Variants in TMIGD3 observed in about 807,000 individuals in gnomAD.
The protein encoded by TMIGD3 is transmembrane and immunoglobulin domain containing 3.
TMIGD3 carries 21 observed loss-of-function variants against 28.1 expected under a neutral mutation model. The ratio of observed to expected loss-of-function variants is 0.75; its 90% CI spans 0.53 to 1.08. The LOEUF (loss-of-function observed/expected upper bound fraction) is 1.08. Ranked by LOEUF, TMIGD3 falls within the 50% of genes least tolerant of loss-of-function variation. The probability of loss-of-function intolerance (pLI) is 0.00; values close to 1 mark genes in which losing one functional copy is unlikely to be tolerated. For missense variants in TMIGD3, 416 were observed against 435.6 expected, an observed-to-expected ratio of 0.96 and a Z score of 0.40; for synonymous variants, 151 against 162.1, an observed-to-expected ratio of 0.93 and a Z score of 0.52.
At chr1:111,486,224 T>C (rs535059958) in intron 4 of TMIGD3, among the ~76,000 whole-genome samples, 1 of 152,212 alleles carries the variant, frequency 6.6e-6, no homozygotes, top group Non-Finnish European at 1.5e-5. Context: ...AACACACAGA[T>C]TCGAAGCAGA....
intron 1 of TMIGD3, among the ~76,000 whole-genome samples, chr1:111,556,992 T>G (rs1657519876): frequency 6.6e-6 from 1 of 152,074 alleles, no homozygotes; most frequent in Admixed American, 6.5e-5. Flanking sequence ...TGATAAAAGA[T>G]GCAAATATTC....
At chr1:111,535,863 G>A (rs560544943) in intron 1 of TMIGD3, among the ~76,000 whole-genome samples, 1 of 152,226 alleles carries the variant, frequency 6.6e-6, no homozygotes, top group Non-Finnish European at 1.5e-5. Flanking sequence ...GCCTTCTCCC[G>A]GCCTCCAGAC....
rs1654216216 is a variant in TMIGD3, at chr1:111,483,471, G to C, written c.*216C>G. On this transcript the variant is annotated 3_prime_UTR_variant, in exon 6 of 6. Transcript: ENST00000369716. ...TGGAATGCATAAGAACTAAGATCTTGAGATGTTATTTGAGGGCAGCCTTGC... is the reference window on the plus strand; with the variant it reads ...TGGAATGCATAAGAACTAAGATCTTCAGATGTTATTTGAGGGCAGCCTTGC... 1 of 535,392 alleles carries C rather than the reference G, an allele frequency of 1.9e-6. No individual in the cohort carries two copies. The allele number at this position is 535,392 out of a possible 1,614,324, so 33.2% of individuals were successfully genotyped here.
intron 1 of TMIGD3, among the ~76,000 whole-genome samples, chr1:111,526,640 G>T (rs1363269108): frequency 6.6e-6 from 1 of 152,160 alleles, no homozygotes; most frequent in Non-Finnish European, 1.5e-5. Context: ...CACCACAGTG[G>T]TACATTTATT....
intron 1 of TMIGD3, among the ~76,000 whole-genome samples, chr1:111,552,208 G>A (rs1353707590): frequency 6.6e-6 from 1 of 152,190 alleles, no homozygotes; most frequent in Non-Finnish European, 1.5e-5. Context: ...GGAGTCACCA[G>A]ACAATCAACC....
chr1:111,496,420 G>A (rs538067103), intron 1 of TMIGD3, among the ~76,000 whole-genome samples: 5 of 152,066 alleles, frequency 3.3e-5, no homozygotes, highest in Admixed American at 1.3e-4. Context: ...TTAATCGGAC[G>A]GCCATTAGTC....
At chr1:111,490,783 T>A in intron 1 of TMIGD3, 21 bp from the exon 2 acceptor site, 1 of 1,558,874 alleles carries the variant, frequency 6.4e-7, no homozygotes, top group African/African-American at 1.4e-5. Context: ...GAAACAGATA[T>A]GCTTGAGCTT....
intron 1 of TMIGD3, among the ~76,000 whole-genome samples, chr1:111,534,510 C>T (rs946331888): frequency 3.9e-5 from 6 of 152,240 alleles, no homozygotes; most frequent in South Asian, 2.1e-4. Context: ...CTTAGATGTT[C>T]GGTGTTTACG....
chr1:111,546,206 AT>A (rs1226965475), intron 1 of TMIGD3, among the ~76,000 whole-genome samples: 1 of 152,156 alleles, frequency 6.6e-6, no homozygotes, highest in African/African-American at 2.4e-5. Context: ...CTGCAGAGCA[AT>A]TTAGAAAGTA....
chr1:111,485,577 A>G (rs1654322671), intron 5 of TMIGD3, 163 bp downstream of exon 5: 1 of 564,220 alleles, frequency 1.8e-6, no homozygotes, highest in South Asian at 2.4e-5. Context: ...ATGCCTTGTC[A>G]CCATCAAGCA....
intron 1 of TMIGD3, among the ~76,000 whole-genome samples, chr1:111,493,785 T>G (rs1308184299): frequency 6.6e-6 from 1 of 152,210 alleles, no homozygotes; most frequent in African/African-American, 2.4e-5. Context: ...GATTTGATGG[T>G]AAATCTGGGA....
chr1:111,558,121 A>G (rs548545135), intron 1 of TMIGD3, among the ~76,000 whole-genome samples: 124 of 152,334 alleles, frequency 8.1e-4, no homozygotes, highest in African/African-American at 2.9e-3. Context: ...ATTTAAATAT[A>G]ACAGTAATTA....
intron 1 of TMIGD3, among the ~76,000 whole-genome samples, chr1:111,540,362 G>A (rs1374167664): frequency 6.6e-6 from 1 of 152,198 alleles, no homozygotes; most frequent in Non-Finnish European, 1.5e-5. Flanking sequence ...CTTGGCATGG[G>A]GCAGCAGCCA....
chr1:111,512,247 G>C (rs1655712908), intron 1 of TMIGD3, among the ~76,000 whole-genome samples: 1 of 152,226 alleles, frequency 6.6e-6, no homozygotes, highest in Non-Finnish European at 1.5e-5. Context: ...GTGCCCTTCA[G>C]GCCCTCTCAA....
chr1:111,533,048 C>T (rs1293985172), intron 1 of TMIGD3, among the ~76,000 whole-genome samples: 1 of 152,182 alleles, frequency 6.6e-6, no homozygotes, highest in Non-Finnish European at 1.5e-5. Flanking sequence ...AGTAACTGCC[C>T]CTCCTAACCA....
chr1:111,511,524 A>T (rs1339648396), intron 1 of TMIGD3, among the ~76,000 whole-genome samples: 8 of 152,224 alleles, frequency 5.3e-5, no homozygotes, highest in Admixed American at 5.2e-4. Context: ...CACTACAGAT[A>T]GAAAACACCA....
chr1:111,529,028 T>G (rs1372962500), intron 1 of TMIGD3, among the ~76,000 whole-genome samples: 1 of 152,062 alleles, frequency 6.6e-6, no homozygotes, highest in Non-Finnish European at 1.5e-5. Flanking sequence ...AGCTAGAACT[T>G]CCAGTACAAT....
At chr1:111,535,839 C>A (rs1434701977) in intron 1 of TMIGD3, among the ~76,000 whole-genome samples, 1 of 152,164 alleles carries the variant, frequency 6.6e-6, no homozygotes, top group Non-Finnish European at 1.5e-5. Context: ...CCATTGAGCT[C>A]TAGAAACCCA....
intron 1 of TMIGD3, among the ~76,000 whole-genome samples, chr1:111,534,156 C>A (rs181906032): frequency 2.0e-5 from 3 of 152,066 alleles, no homozygotes; most frequent in African/African-American, 7.2e-5. Flanking sequence ...CAAATGGAAT[C>A]GTGCCATGCA....
Sources: allele counts gnomAD v4.1 joint callset (sites outside exome capture counted in the v4.1 genomes callset), GRCh38; gene constraint gnomAD v4.1.1; transcripts MANE v1.5; gene names NCBI Gene and HGNC (gene_info 2026-07-23, HGNC 2026-07-21).